SUGP1: variants seen among roughly 807,000 people sequenced by gnomAD.
The protein encoded by SUGP1 is SURP and G-patch domain-containing protein 1.
Under a neutral mutation model 76.5 loss-of-function variants are expected in SUGP1, and 34 were observed. The ratio of observed to expected loss-of-function variants is 0.44; its 90% CI spans 0.34 to 0.59. The LOEUF (loss-of-function observed/expected upper bound fraction) is 0.59, where lower values mean the gene tolerates loss of function less well. Among genes scored for constraint, SUGP1 ranks in the 20% least tolerant of loss-of-function variants. The probability of loss-of-function intolerance (pLI) is 0.01; values close to 1 mark genes in which losing one functional copy is unlikely to be tolerated. For synonymous variants in SUGP1, 326 were observed against 326.2 expected (o/e 1.00, Z 0.01); for missense variants, 752 against 851.7 (o/e 0.88, Z 1.46).
intron 12 of SUGP1, among the ~76,000 whole-genome samples, 193 bp from the exon 13 acceptor site, chr19:19,277,269 G>A (rs1408096589): frequency 6.6e-6 from 1 of 150,532 alleles, no homozygotes; most frequent in Non-Finnish European, 1.5e-5. Flanking sequence ...GGGGGCCTAG[G>A]CCCCAGGGTC....
chr19:19,288,966 A>G (rs2061161936), intron 8 of SUGP1, among the ~76,000 whole-genome samples: 1 of 151,772 alleles, frequency 6.6e-6, no homozygotes, highest in African/African-American at 2.4e-5. Context: ...TTGTATTTTT[A>G]GTAGAGACAG....
intron 12 of SUGP1, 42 bp downstream of exon 12, chr19:19,277,692 C>G: frequency 6.2e-7 from 1 of 1,606,082 alleles, no homozygotes; most frequent in Non-Finnish European, 8.5e-7. Context: ...GACCCACAGA[C>G]CCCAAGTTCA....
chr19:19,307,635 G>C (rs1417372044), intron 3 of SUGP1, among the ~76,000 whole-genome samples: 1 of 152,056 alleles, frequency 6.6e-6, no homozygotes. Flanking sequence ...GGGGATGGGA[G>C]GACTTCAACC....
rs538284236 is a variant in SUGP1, at chr19:19,316,975, T to C, written c.35-382A>G. Among the ~76,000 whole-genome samples, 23 of 152,024 alleles carry C rather than the reference T, an allele frequency of 1.5e-4. No homozygotes were observed. In the East Asian group the frequency reaches 3.3e-3, roughly 22 times the overall value. On this transcript the variant is annotated intron_variant, in intron 1 of 13. Coordinates refer to ENST00000247001, the MANE Select transcript of SUGP1 (RefSeq NM_172231.4). ...CAACGTGGTGAAACCCTGTCTCTAC[T>C]AAAAATACAAAAATTAGCTGGGTAT...
At chr19:19,278,012 T>C in intron 11 of SUGP1, 133 bp from the exon 12 acceptor site, 2 of 1,108,952 alleles carry the variant, frequency 1.8e-6, no homozygotes, top group African/African-American at 3.1e-5. Context: ...CAGATCAGAC[T>C]CCTTGAGAAC....
At chr19:19,298,212 C>CAA (rs35534408) in intron 7 of SUGP1, among the ~76,000 whole-genome samples, 1 of 151,938 alleles carries the variant, frequency 6.6e-6, no homozygotes, top group Non-Finnish European at 1.5e-5. Context: ...CTTTGTGTTA[C>CAA]AGAGGCCGGG....
intron 2 of SUGP1, among the ~76,000 whole-genome samples, chr19:19,314,216 C>T (rs57962361): frequency 0.11 from 16,647 of 151,858 alleles, 928 homozygotes; most frequent in East Asian, 0.16. Context: ...CCCAGCTACT[C>T]GAGAGGCTGA....
intron 4 of SUGP1, chr19:19,305,630 G>C: frequency 2.1e-6 from 1 of 470,814 alleles, no homozygotes; most frequent in Non-Finnish European, 3.8e-6. Flanking sequence ...CTCCCAAGAT[G>C]AAGCCCACGC....
At chr19:19,304,171 G>T in intron 4 of SUGP1, 1 of 610,298 alleles carries the variant, frequency 1.6e-6, no homozygotes, top group Non-Finnish European at 2.7e-6. Context: ...CCAGTTTTCA[G>T]CATAATACAT....
At chr19:19,281,524 G>A (rs1053951468) in intron 8 of SUGP1, 11 of 152,172 alleles carry the variant, frequency 7.2e-5, no homozygotes, top group African/African-American at 2.2e-4. Flanking sequence ...GGGAGGCACC[G>A]AGAAAGCAAT....
chr19:19,293,197 ACCGTG>A (rs1201797272), intron 8 of SUGP1, among the ~76,000 whole-genome samples: 1 of 151,510 alleles, frequency 6.6e-6, no homozygotes, highest in African/African-American at 2.4e-5. Flanking sequence ...GGCGTGAGTC[ACCGTG>A]CCTGGCCTGT....
intron 8 of SUGP1, among the ~76,000 whole-genome samples, chr19:19,286,192 G>A (rs552355331): frequency 6.6e-6 from 1 of 152,262 alleles, no homozygotes; most frequent in East Asian, 1.9e-4. Context: ...TTTGATATTG[G>A]ACAATGCCCC....
At chr19:19,312,444 G>A (rs1051924619) in intron 2 of SUGP1, among the ~76,000 whole-genome samples, 1 of 151,994 alleles carries the variant, frequency 6.6e-6, no homozygotes, top group African/African-American at 2.4e-5. Flanking sequence ...CCTCACATAC[G>A]CTGCTTTTTA....
chr19:19,313,342 C>A (rs992539542), intron 2 of SUGP1, among the ~76,000 whole-genome samples: 1 of 152,074 alleles, frequency 6.6e-6, no homozygotes, highest in Non-Finnish European at 1.5e-5. Context: ...TTGCAGTGGG[C>A]CAAGATCGCG....
rs146863538 is a variant in SUGP1 at position 19,285,630 on chromosome 19, A to C, written c.1244-5339T>G. On this transcript the variant is annotated intron_variant, in intron 8 of 13. Transcript: ENST00000247001. Reference sequence around the variant, plus strand: ...GTCCAGGCTGGAGTGCAATGGCGTGAACATGGCTCACTGCAGCCTCAATCT... The same window carrying C: ...GTCCAGGCTGGAGTGCAATGGCGTGCACATGGCTCACTGCAGCCTCAATCT... Among the ~76,000 whole-genome samples the C allele has an allele frequency of 7.2e-3, 1,099 of 152,308 alleles. 4 individuals carry two copies. The highest frequency in any genetic ancestry group is 0.037 in the Middle Eastern group (11 of 294).
chr19:19,316,707 T>C (rs560561163), intron 1 of SUGP1, 114 bp from the exon 2 acceptor site: 21 of 1,164,208 alleles, frequency 1.8e-5, no homozygotes, highest in Non-Finnish European at 2.5e-5. Context: ...GTCTATTAGT[T>C]CATTTATTCA....
intron 2 of SUGP1, among the ~76,000 whole-genome samples, chr19:19,313,859 C>T (rs1013863498): frequency 1.3e-5 from 2 of 151,974 alleles, no homozygotes; most frequent in African/African-American, 4.8e-5. Flanking sequence ...AAAAAATGGC[C>T]GGGCTCAGAG....
intron 9 of SUGP1, 28 bp from the exon 10 acceptor site, chr19:19,279,418 G>T: frequency 6.4e-7 from 1 of 1,572,826 alleles, no homozygotes; most frequent in East Asian, 2.3e-5. Context: ...CAGTGAGCCA[G>T]GGCACGGTGC....
chr19:19,295,553 G>A (rs1048163119), intron 8 of SUGP1, among the ~76,000 whole-genome samples: 9 of 142,380 alleles, frequency 6.3e-5, no homozygotes, highest in African/African-American at 2.3e-4. Context: ...GCAGTGAGCT[G>A]AGACTGTGCC....
Sources: gnomAD v4.1 joint callset for allele counts (sites outside exome capture counted in the v4.1 genomes callset) on GRCh38, gnomAD v4.1.1 for gene constraint, MANE v1.5 for transcripts, NCBI Gene and HGNC (gene_info 2026-07-23, HGNC 2026-07-21) for gene names.